The following RALGPS1 variants were observed in gnomAD, a reference collection of about 807,000 sequenced individuals.
The protein encoded by RALGPS1 is ras-specific guanine nucleotide-releasing factor RalGPS1.
RALGPS1 carries 19 observed loss-of-function variants against 78.8 expected under a neutral mutation model. The observed-to-expected ratio is 0.24, with a 90% confidence interval of 0.17 to 0.35. RALGPS1 has a LOEUF of 0.35. Ranked by LOEUF, RALGPS1 falls within the 10% of genes least tolerant of loss-of-function variation. RALGPS1 has a pLI of 1.00. For synonymous variants in RALGPS1, 228 were observed against 256.3 expected, an observed-to-expected ratio of 0.89 and a Z score of 1.06; for missense variants, 454 against 688.3, an observed-to-expected ratio of 0.66 and a Z score of 3.81.
intron 9 of RALGPS1, among the ~76,000 whole-genome samples, chr9:127,167,641 A>G (rs991257497): frequency 6.6e-6 from 1 of 152,238 alleles, no homozygotes; most frequent in African/African-American, 2.4e-5. Context: ...TAAAACAGGT[A>G]TCATCCTCAC....
chr9:127,214,591 C>G (rs915690795), intron 17 of RALGPS1, among the ~76,000 whole-genome samples, 160 bp from the exon 18 acceptor site: 1 of 152,222 alleles, frequency 6.6e-6, no homozygotes, highest in Admixed American at 6.5e-5. Context: ...AAAGAGACCA[C>G]TGGAGGGAGC....
chr9:127,019,993 T>C (rs952137119), intron 4 of RALGPS1, among the ~76,000 whole-genome samples: 2 of 152,218 alleles, frequency 1.3e-5, no homozygotes, highest in Non-Finnish European at 2.9e-5. Flanking sequence ...GAGAGGATCA[T>C]ATCACTTTTT....
Position 127,179,143 on chromosome 9 carries a change from C to T in RALGPS1, c.910+4361C>T, listed in dbSNP as rs370805972. 7.9e-5 allele frequency among the ~76,000 whole-genome samples: 12 copies of T among 152,206 alleles called. No homozygotes were observed. The East Asian group carries it at 2.3e-3, about 29-fold the overall frequency. On this transcript the variant is annotated intron_variant, in intron 11 of 18. Coordinates refer to ENST00000259351, the MANE Select transcript of RALGPS1 (RefSeq NM_014636.3). ...GGCAGTTTTCCACAGCAGAGCAAGC[C>T]CCAGCTCATAGGAGTGTTTTCCACC...
intron 1 of RALGPS1, among the ~76,000 whole-genome samples, chr9:126,919,075 C>A (rs2034487888): frequency 1.3e-5 from 2 of 152,258 alleles, no homozygotes; most frequent in African/African-American, 4.8e-5. Context: ...GCCACTGTTA[C>A]CAGTTTCTTG....
chr9:127,138,193 G>A (rs1003697347), intron 8 of RALGPS1, among the ~76,000 whole-genome samples: 2 of 152,316 alleles, frequency 1.3e-5, no homozygotes, highest in South Asian at 4.1e-4. Context: ...GTGTGGTATA[G>A]CATTCCAATC....
At chr9:126,924,209 C>T (rs1316659083) in intron 1 of RALGPS1, among the ~76,000 whole-genome samples, 2 of 152,204 alleles carry the variant, frequency 1.3e-5, no homozygotes, top group African/African-American at 4.8e-5. Flanking sequence ...AAACCATGCC[C>T]ACGGTGAAGC....
chr9:127,091,869 GC>G lies in RALGPS1; in HGVS notation c.610+22515del. The G allele has an allele frequency of 6.2e-7, 1 of 1,614,140 alleles. No individual in the cohort carries two copies. Among genetic ancestry groups the G allele is most frequent in the Non-Finnish European group, 8.5e-7 (1 of 1,180,028 alleles). ...CCATGGTCACCAGGAGTTTGTAGTTGCCTTGGTTCGTCAGCCAGTAAATGTT... is the reference window on the plus strand; with the variant it reads ...CCATGGTCACCAGGAGTTTGTAGTTGCTTGGTTCGTCAGCCAGTAAATGTT... On this transcript the variant is annotated intron_variant, in intron 8 of 18. Coordinates refer to ENST00000259351, the MANE Select transcript of RALGPS1 (RefSeq NM_014636.3). This position sits in a 1 kb window ranked among gnomAD's most constrained non-coding sequence, Gnocchi z 4.3.
At chr9:127,173,010 C>T (rs917688352) in intron 10 of RALGPS1, among the ~76,000 whole-genome samples, 2 of 152,164 alleles carry the variant, frequency 1.3e-5, no homozygotes, top group African/African-American at 2.4e-5. Flanking sequence ...TCTGGCCCTC[C>T]TCCCATGTGT....
intron 7 of RALGPS1, among the ~76,000 whole-genome samples, chr9:127,054,173 C>G (rs2048523928): frequency 6.6e-6 from 1 of 152,178 alleles, no homozygotes; most frequent in African/African-American, 2.4e-5. Context: ...AGGTCGAAAG[C>G]AAGTTTGGAA....
intron 11 of RALGPS1, among the ~76,000 whole-genome samples, chr9:127,180,601 T>C (rs1041911682): frequency 2.0e-5 from 3 of 152,218 alleles, no homozygotes; most frequent in African/African-American, 7.2e-5. Context: ...TGGCATACAC[T>C]TACCTCTTGA....
chr9:127,133,721 CA>C (rs1404275506), intron 8 of RALGPS1, among the ~76,000 whole-genome samples: 1 of 152,210 alleles, frequency 6.6e-6, no homozygotes, highest in Non-Finnish European at 1.5e-5. Context: ...AACATGGAAC[CA>C]AAACTCTCCT....
chr9:127,147,569 G>C (rs1181040268), intron 8 of RALGPS1, among the ~76,000 whole-genome samples: 3 of 152,124 alleles, frequency 2.0e-5, no homozygotes, highest in Admixed American at 6.5e-5. Context: ...GTGAGAGGTG[G>C]GGGTCCAGCT....
At chr9:127,165,513 T>C (rs1406651384) in intron 8 of RALGPS1, among the ~76,000 whole-genome samples, 1 of 152,274 alleles carries the variant, frequency 6.6e-6, no homozygotes, top group Non-Finnish European at 1.5e-5. Flanking sequence ...TCTTATTTTC[T>C]TATTAAGCAC....
At position 127,172,323 on chromosome 9, in the gene RALGPS1, A is replaced by AT. The variant is rs60607402; in HGVS notation, c.843-2382dup. Among the ~76,000 whole-genome samples the AT allele has an allele frequency of 5.6e-3, 847 of 150,290 alleles. 28 individuals carry two copies. The East Asian group carries it at 0.089, about 16-fold the overall frequency. On this transcript the variant is annotated intron_variant, in intron 10 of 18. Transcript: ENST00000259351. ...TTGCTGTAGAGAATGAGCCCATCTA[A>AT]TTTTTTTTTTCCTCTTGTTAAGGGT...
At chr9:127,006,944 G>C (rs933833068) in intron 4 of RALGPS1, among the ~76,000 whole-genome samples, 2 of 151,874 alleles carry the variant, frequency 1.3e-5, no homozygotes, top group Admixed American at 6.6e-5. Context: ...GAGGGAGAGA[G>C]GAGAGAGAGA....
chr9:127,088,942 G>C (rs2052103374), intron 8 of RALGPS1: 3 of 1,614,100 alleles, frequency 1.9e-6, no homozygotes, highest in South Asian at 1.1e-5. Context: ...AGCTGGCTTA[G>C]TGGAAGGTGT....
At chr9:127,007,172 A>C (rs1180815545) in intron 4 of RALGPS1, among the ~76,000 whole-genome samples, 4 of 152,332 alleles carry the variant, frequency 2.6e-5, no homozygotes, top group African/African-American at 9.6e-5. Context: ...TTCTGGGTAC[A>C]TAGTATTTGT....
At chr9:127,022,833 T>A (rs770469833) in intron 4 of RALGPS1, among the ~76,000 whole-genome samples, 1 of 152,218 alleles carries the variant, frequency 6.6e-6, no homozygotes, top group Non-Finnish European at 1.5e-5. Context: ...TATTCCTACC[T>A]TCATCCTCAT....
At chr9:127,093,292 C>A (rs2052700093) in intron 8 of RALGPS1, among the ~76,000 whole-genome samples, 1 of 152,196 alleles carries the variant, frequency 6.6e-6, no homozygotes, top group African/African-American at 2.4e-5. Flanking sequence ...GCCACAACTC[C>A]CTACCAGGAC....
Sources: allele counts gnomAD v4.1 joint callset (sites outside exome capture counted in the v4.1 genomes callset), GRCh38; gene constraint gnomAD v4.1.1; non-coding constraint Gnocchi (gnomAD v3.1); transcripts MANE v1.5; gene names NCBI Gene and HGNC (gene_info 2026-07-23, HGNC 2026-07-21).